The following ENTREP2 variants were observed in gnomAD, a reference collection of about 807,000 sequenced individuals.
The protein encoded by ENTREP2 is endosomal transmembrane epsin interactor 2.
the ENTREP2 span, among the ~76,000 whole-genome samples, chr15:29,481,532 T>C: frequency 1.3e-5 from 2 of 152,232 alleles, no homozygotes; most frequent in African/African-American, 4.8e-5. Context: ...CATCTGAGAT[T>C]AGTGTGAATA....
chr15:29,427,095 T>G, the ENTREP2 span, among the ~76,000 whole-genome samples: 3 of 152,218 alleles, frequency 2.0e-5, no homozygotes, highest in East Asian at 5.8e-4. Context: ...TTGTTATATT[T>G]AAAGCAAACT....
the ENTREP2 span, among the ~76,000 whole-genome samples, chr15:29,584,848 T>C: frequency 6.6e-6 from 1 of 152,228 alleles, no homozygotes; most frequent in Non-Finnish European, 1.5e-5. Context: ...TGTGAGATGA[T>C]GGATGTATTA....
the ENTREP2 span, among the ~76,000 whole-genome samples, chr15:29,138,702 CGTGT>C: frequency 0.28 from 41,520 of 149,090 alleles, 6,938 homozygotes; most frequent in Non-Finnish European, 0.38. Flanking sequence ...TGTGTGTATG[CGTGT>C]GTGTGTGTGT....
At chr15:29,456,713 T>C in the ENTREP2 span, among the ~76,000 whole-genome samples, 11 of 152,100 alleles carry the variant, frequency 7.2e-5, no homozygotes, top group Middle Eastern at 3.4e-3. Context: ...ACAAATAATA[T>C]AGAACGGAAG....
At chr15:29,220,490 C>T in the ENTREP2 span, among the ~76,000 whole-genome samples, 1 of 152,276 alleles carries the variant, frequency 6.6e-6, no homozygotes, top group Admixed American at 6.5e-5. Flanking sequence ...CATTAGAACA[C>T]AGCCACGTGG....
At chr15:29,504,525 G>C in the ENTREP2 span, among the ~76,000 whole-genome samples, 1 of 152,204 alleles carries the variant, frequency 6.6e-6, no homozygotes, top group African/African-American at 2.4e-5. Context: ...AAAAGGACAC[G>C]AGAGACTGTA....
chr15:29,385,902 AAGG>A, the ENTREP2 span, among the ~76,000 whole-genome samples: 2 of 150,856 alleles, frequency 1.3e-5, no homozygotes, highest in South Asian at 2.1e-4. Flanking sequence ...TGGATGTTGA[AAGG>A]AGGAGAAGGG....
the ENTREP2 span, among the ~76,000 whole-genome samples, chr15:29,284,472 G>C: frequency 1.3e-5 from 2 of 150,382 alleles, no homozygotes; most frequent in African/African-American, 4.9e-5. Context: ...CAGGAGAATC[G>C]CTTGAACCCA....
chr15:29,656,836 C>T, the ENTREP2 span, among the ~76,000 whole-genome samples: 1 of 152,230 alleles, frequency 6.6e-6, no homozygotes, highest in Admixed American at 6.5e-5. Flanking sequence ...ACCCTCTAAT[C>T]TCACTGCTAG....
chr15:29,466,173 A>C, the ENTREP2 span, among the ~76,000 whole-genome samples: 1 of 152,184 alleles, frequency 6.6e-6, no homozygotes, highest in African/African-American at 2.4e-5. Flanking sequence ...GGCCAGTGAG[A>C]GCAGCTCCGA....
At chr15:29,251,453 G>A in the ENTREP2 span, among the ~76,000 whole-genome samples, 1 of 152,192 alleles carries the variant, frequency 6.6e-6, no homozygotes, top group East Asian at 1.9e-4. Flanking sequence ...AACCCACCAC[G>A]CTGCATGCAG....
chr15:29,362,601 C>T, the ENTREP2 span, among the ~76,000 whole-genome samples: 1 of 151,958 alleles, frequency 6.6e-6, no homozygotes, highest in South Asian at 2.1e-4. Context: ...TCTTGAACTC[C>T]TGAGCTCAGG....
chr15:29,437,556 C>T, the ENTREP2 span, among the ~76,000 whole-genome samples: 1 of 152,150 alleles, frequency 6.6e-6, no homozygotes. Flanking sequence ...TAAAATCACC[C>T]CTTTCCCCTG....
At chr15:29,570,418 G>A in the ENTREP2 span, 4 of 849,140 alleles carry the variant, frequency 4.7e-6, no homozygotes, top group African/African-American at 5.5e-5. Flanking sequence ...CTTGCCGCCC[G>A]CGGTGGCGTC....
the ENTREP2 span, among the ~76,000 whole-genome samples, chr15:29,201,698 T>C: frequency 6.6e-6 from 1 of 152,226 alleles, no homozygotes; most frequent in Non-Finnish European, 1.5e-5. Flanking sequence ...AGGATTTTTG[T>C]ATCTATATTA....
At chr15:29,266,246 T>C in the ENTREP2 span, 2 of 152,228 alleles carry the variant, frequency 1.3e-5, no homozygotes, top group Non-Finnish European at 2.9e-5. Context: ...TAAATTATCA[T>C]TTCACACTGT....
chr15:29,657,483 C>CGGGGGAGGG, the ENTREP2 span, among the ~76,000 whole-genome samples: 2 of 69,434 alleles, frequency 2.9e-5, no homozygotes, highest in African/African-American at 1.2e-4. Context: ...GCTGGGGGGG[C>CGGGGGAGGG]GGGGGGGGGG....
At chr15:29,626,280 A>C in the ENTREP2 span, among the ~76,000 whole-genome samples, 1 of 152,154 alleles carries the variant, frequency 6.6e-6, no homozygotes. Context: ...AATTGTAATA[A>C]TCCCGACATG....
the ENTREP2 span, among the ~76,000 whole-genome samples, chr15:29,174,692 C>CAAAAAAAAAAA: frequency 9.3e-6 from 1 of 107,480 alleles, no homozygotes; most frequent in African/African-American, 5.1e-5. Context: ...TCCAACTAAA[C>CAAAAAAAAAAA]AAAACAAAAC....
Sources: gnomAD v4.1 joint callset for allele counts (sites outside exome capture counted in the v4.1 genomes callset) on GRCh38, gnomAD v4.1.1 for gene constraint, MANE v1.5 for transcripts, NCBI Gene and HGNC (gene_info 2026-07-23, HGNC 2026-07-21) for gene names.